Variants in ATP8A2 observed in about 807,000 individuals in gnomAD.
ATP8A2 encodes phospholipid-transporting ATPase IB.
Under a neutral mutation model 165.6 loss-of-function variants are expected in ATP8A2, and 100 were observed. The ratio of observed to expected loss-of-function variants is 0.60; its 90% confidence interval spans 0.51 to 0.71. ATP8A2 has a LOEUF of 0.71. ATP8A2 is among the 30% of genes least tolerant of loss of function. ATP8A2 has a pLI of 0.00. For synonymous variants in ATP8A2, 543 were observed against 548.8 expected (o/e 0.99, Z 0.15); for missense variants, 1,227 against 1,479.5 (o/e 0.83, Z 2.80).
chr13:25,722,091 A>G (rs2043394285), intron 25 of ATP8A2, among the ~76,000 whole-genome samples: 1 of 152,164 alleles, frequency 6.6e-6, no homozygotes, highest in South Asian at 2.1e-4. Flanking sequence ...TAATTCCTCT[A>G]CATCCTTGCC....
intron 1 of ATP8A2, among the ~76,000 whole-genome samples, chr13:25,376,236 C>A (rs1236232493): frequency 1.3e-5 from 2 of 152,238 alleles, no homozygotes; most frequent in Non-Finnish European, 2.9e-5. Flanking sequence ...GATCTAAATG[C>A]AACAGAATAC....
At chr13:25,582,722 G>T (rs2039809660) in intron 23 of ATP8A2, among the ~76,000 whole-genome samples, 1 of 152,212 alleles carries the variant, frequency 6.6e-6, no homozygotes, top group Non-Finnish European at 1.5e-5. Context: ...TTGTATTTAA[G>T]TGACTATAGT....
Position 25,456,721 on chromosome 13 carries a change from A to C in ATP8A2, c.77-12256A>C, listed in dbSNP as rs142930878. On this transcript the variant is annotated intron_variant, in intron 1 of 36. Transcript: ENST00000381655. ...TTGGTCTGTTTCCTCTCCAGACTAC[A>C]AGTGCTTTGAAAGCAGGGAGAGGGT... Among the ~76,000 whole-genome samples the C allele has an allele frequency of 3.9e-4, 60 of 152,354 alleles. No individual in the cohort carries two copies. In the South Asian group the frequency reaches 7.2e-3, roughly 18 times the overall value.
chr13:25,771,169 C>T (rs1173845566), intron 26 of ATP8A2, among the ~76,000 whole-genome samples: 2 of 152,208 alleles, frequency 1.3e-5, no homozygotes, highest in African/African-American at 4.8e-5. Context: ...GAGAAGGAAT[C>T]TTGACTTTAT....
intron 25 of ATP8A2, among the ~76,000 whole-genome samples, chr13:25,716,386 C>A (rs1348082765): frequency 1.3e-5 from 2 of 152,082 alleles, no homozygotes; most frequent in African/African-American, 4.8e-5. Flanking sequence ...ATCTAAGAAG[C>A]CATTGTCTAA....
chr13:25,583,696 C>G (rs1264256055), intron 23 of ATP8A2, among the ~76,000 whole-genome samples: 2 of 152,150 alleles, frequency 1.3e-5, no homozygotes, highest in Non-Finnish European at 2.9e-5. Flanking sequence ...AAAATCAACC[C>G]AGAAAACACA....
At chr13:25,602,474 C>G (rs2040412360) in intron 24 of ATP8A2, among the ~76,000 whole-genome samples, 1 of 152,186 alleles carries the variant, frequency 6.6e-6, no homozygotes, top group African/African-American at 2.4e-5. Context: ...CACCTGTTTT[C>G]CTGGCATAGA....
intron 35 of ATP8A2, among the ~76,000 whole-genome samples, chr13:26,008,470 G>A (rs931349826): frequency 6.6e-6 from 1 of 152,134 alleles, no homozygotes; most frequent in Admixed American, 6.5e-5. Context: ...GATAGAATGA[G>A]ATCAATATGG....
At chr13:25,485,584 A>G (rs2137608327) in intron 2 of ATP8A2, among the ~76,000 whole-genome samples, 1 of 152,322 alleles carries the variant, frequency 6.6e-6, no homozygotes, top group South Asian at 2.1e-4. Context: ...GTCCACAGTG[A>G]GCTGGTGTTG....
At chr13:25,580,287 G>A (rs1189284093) in intron 22 of ATP8A2, among the ~76,000 whole-genome samples, 1 of 152,220 alleles carries the variant, frequency 6.6e-6, no homozygotes, top group Non-Finnish European at 1.5e-5. Flanking sequence ...GTGGAGGCTG[G>A]TTAGATGTTG....
At chr13:25,780,171 T>C (rs1456082828) in intron 27 of ATP8A2, among the ~76,000 whole-genome samples, 2 of 152,200 alleles carry the variant, frequency 1.3e-5, no homozygotes, top group African/African-American at 4.8e-5. Context: ...AAAATTATCA[T>C]AGGGATCTCT....
At chr13:25,510,214 CACACACAG>C (rs763860141) in intron 2 of ATP8A2, among the ~76,000 whole-genome samples, 3,756 of 112,346 alleles carry the variant, frequency 0.033, 84 homozygotes, top group Middle Eastern at 0.06. Flanking sequence ...CACACACACA[CACACACAG>C]AGAATGTTGA....
chr13:25,417,293 A>T (rs1206750217), intron 1 of ATP8A2, among the ~76,000 whole-genome samples: 1 of 152,072 alleles, frequency 6.6e-6, no homozygotes, highest in Non-Finnish European at 1.5e-5. Context: ...ACAAAGCTGG[A>T]TCCTAACTAC....
At position 25,723,895 on chromosome 13, in the gene ATP8A2, T is replaced by C. The variant is rs890101026; in HGVS notation, c.2384+24550T>C. Among the ~76,000 whole-genome samples the C allele has an allele frequency of 2.6e-5, 4 of 152,060 alleles. No homozygotes were observed. The South Asian group carries it at 6.2e-4, about 24-fold the overall frequency. ...TAAATCTGGGTGGAGAGAACAGAGA[T>C]AGGGGAAGCCAGGGAGATTTCAAAT... On this transcript the variant is annotated intron_variant, in intron 25 of 36. Transcript: ENST00000381655.
intron 24 of ATP8A2, among the ~76,000 whole-genome samples, chr13:25,631,885 A>C (rs61947482): frequency 0.12 from 18,564 of 151,928 alleles, 1,266 homozygotes; most frequent in Admixed American, 0.19. Context: ...AACATAGCAA[A>C]CCAAGCAGTT....
chr13:25,510,611 C>A (rs2037195499), intron 2 of ATP8A2, among the ~76,000 whole-genome samples: 1 of 152,180 alleles, frequency 6.6e-6, no homozygotes. Context: ...TCTTATGGGG[C>A]AGATGACAGT....
intron 1 of ATP8A2, among the ~76,000 whole-genome samples, chr13:25,422,283 C>T (rs1471280136): frequency 3.9e-5 from 6 of 152,120 alleles, no homozygotes. Context: ...TTGGCACAAG[C>T]ATTTGCTTAA....
intron 24 of ATP8A2, among the ~76,000 whole-genome samples, chr13:25,653,307 T>C (rs945286829): frequency 2.0e-5 from 3 of 152,148 alleles, no homozygotes; most frequent in Admixed American, 6.5e-5. Context: ...CGCAGGAACA[T>C]GGGTGGAGCT....
intron 33 of ATP8A2, among the ~76,000 whole-genome samples, chr13:25,895,641 C>T (rs1266475131): frequency 2.0e-5 from 3 of 151,982 alleles, no homozygotes; most frequent in Non-Finnish European, 2.9e-5. Context: ...TGGTAGAATT[C>T]GGCTGTGAAT....
Sources: allele counts gnomAD v4.1 joint callset (sites outside exome capture counted in the v4.1 genomes callset), GRCh38; gene constraint gnomAD v4.1.1; transcripts MANE v1.5; gene names NCBI Gene and HGNC (gene_info 2026-07-23, HGNC 2026-07-21).